MSRA: variants seen among roughly 807,000 people sequenced by gnomAD.
The protein encoded by MSRA is methionine sulfoxide reductase A.
Under a neutral mutation model 31.3 loss-of-function variants are expected in MSRA, and 54 were observed. The observed-to-expected ratio is 1.73, with a 90% confidence interval of 1.39 to 2.17. The LOEUF is 2.17. MSRA is among the 30% of genes most tolerant of loss of function. MSRA has a pLI of 0.00. For missense variants in MSRA, 507 were observed against 300.9 expected, an observed-to-expected ratio of 1.69 and a Z score of -5.07; for synonymous variants, 169 against 116.5, an observed-to-expected ratio of 1.45 and a Z score of -2.90.
chr8:10,196,067 G>A (rs1270057244), intron 1 of MSRA, among the ~76,000 whole-genome samples: 1 of 152,188 alleles, frequency 6.6e-6, no homozygotes, highest in African/African-American at 2.4e-5. Context: ...CGGGGTGGGG[G>A]AGCCACTGGA....
At chr8:10,181,098 T>C (rs752064574) in intron 1 of MSRA, among the ~76,000 whole-genome samples, 21 of 152,196 alleles carry the variant, frequency 1.4e-4, no homozygotes, top group Non-Finnish European at 2.5e-4. Context: ...AAAATTCGTC[T>C]ACAGCTCCCA....
intron 5 of MSRA, 89 bp from the exon 6 acceptor site, chr8:10,428,059 T>G: frequency 7.0e-7 from 1 of 1,431,276 alleles, no homozygotes; most frequent in Non-Finnish European, 9.4e-7. Context: ...ACGCGTCTGC[T>G]CACTGCAGCC....
At chr8:10,428,115 G>A in intron 5 of MSRA, 33 bp from the exon 6 acceptor site, 1 of 1,599,380 alleles carries the variant, frequency 6.3e-7, no homozygotes. Context: ...TCTCTAGCAT[G>A]GGAGCTGATG....
intron 1 of MSRA, among the ~76,000 whole-genome samples, chr8:10,056,263 G>C (rs894452053): frequency 4.7e-5 from 7 of 149,566 alleles, no homozygotes; most frequent in African/African-American, 1.7e-4. Flanking sequence ...TTCCAAACTG[G>C]TTCAAGGTCA....
chr8:10,305,225 G>A (rs183746795), intron 4 of MSRA, among the ~76,000 whole-genome samples: 115 of 152,206 alleles, frequency 7.6e-4, no homozygotes, highest in African/African-American at 2.7e-3. Flanking sequence ...GATGTCAATG[G>A]TCTTACTGTA....
At chr8:10,280,783 G>A (rs750827418) in intron 3 of MSRA, among the ~76,000 whole-genome samples, 15 of 152,192 alleles carry the variant, frequency 9.9e-5, no homozygotes, top group African/African-American at 2.2e-4. Context: ...ACCCAAACGC[G>A]CATCAGCGTG....
intron 2 of MSRA, among the ~76,000 whole-genome samples, chr8:10,219,678 C>T (rs1322617383): frequency 6.6e-6 from 1 of 151,442 alleles, no homozygotes; most frequent in African/African-American, 2.4e-5. Context: ...TGGCGGCGGA[C>T]GCCTGTAGTC....
At chr8:10,409,355 G>A (rs945699187) in intron 5 of MSRA, among the ~76,000 whole-genome samples, 3 of 152,178 alleles carry the variant, frequency 2.0e-5, no homozygotes, top group Admixed American at 6.5e-5. Context: ...CTTGTGGGCC[G>A]TTTGTTTTTA....
At chr8:10,093,999 C>T (rs1054591518) in intron 1 of MSRA, among the ~76,000 whole-genome samples, 13 of 152,210 alleles carry the variant, frequency 8.5e-5, no homozygotes, top group Middle Eastern at 3.2e-3. Context: ...GGATTCCTTG[C>T]ACGTGATGAG....
chr8:10,067,195 C>G (rs1025815959), intron 1 of MSRA, among the ~76,000 whole-genome samples: 1 of 152,108 alleles, frequency 6.6e-6, no homozygotes, highest in Non-Finnish European at 1.5e-5. Context: ...CCCAAGAACC[C>G]CTTGCAACCA....
intron 1 of MSRA, among the ~76,000 whole-genome samples, chr8:10,188,835 A>G (rs541157857): frequency 1.3e-5 from 2 of 152,280 alleles, no homozygotes; most frequent in South Asian, 2.1e-4. Context: ...ATAGTTCCAA[A>G]TTGTTTTTGC....
At position 10,428,547 on chromosome 8, in the gene MSRA, C is replaced by A; in HGVS notation, c.*235C>A. 1 of 475,474 alleles carries A rather than the reference C, an allele frequency of 2.1e-6. No homozygotes were observed. The highest frequency in any genetic ancestry group is 4.4e-5 in the East Asian group (1 of 22,644). The allele number at this position is 475,474 out of a possible 1,614,324, so 29.5% of individuals were successfully genotyped here. A position where few individuals can be genotyped will look rare whatever the true frequency, so the allele number is the denominator to read the frequency against. ...GGAGCTGTGCAGTTTCCTGTGTCTT[C>A]TGGGGTCTGAGTGAAGATAGCAGGG... On this transcript the variant is annotated 3_prime_UTR_variant, in exon 6 of 6. Coordinates refer to ENST00000317173, the MANE Select transcript of MSRA (RefSeq NM_012331.5).
chr8:10,243,281 T>C (rs1013570563), intron 2 of MSRA, among the ~76,000 whole-genome samples: 7 of 152,168 alleles, frequency 4.6e-5, no homozygotes, highest in African/African-American at 1.7e-4. Context: ...GCCTTCTGCC[T>C]GGTGCTCTGC....
At chr8:10,102,605 A>G (rs917632900) in intron 1 of MSRA, among the ~76,000 whole-genome samples, 1 of 152,136 alleles carries the variant, frequency 6.6e-6, no homozygotes, top group African/African-American at 2.4e-5. Flanking sequence ...GCATCTCTTG[A>G]CTGTGTTTTC....
intron 1 of MSRA, among the ~76,000 whole-genome samples, chr8:10,182,700 C>A (rs1452516825): frequency 6.6e-6 from 1 of 152,156 alleles, no homozygotes; most frequent in Non-Finnish European, 1.5e-5. Flanking sequence ...AGCCATTGGG[C>A]TCAGGGCCTC....
chr8:10,375,437 C>T (rs1024290194), intron 5 of MSRA, among the ~76,000 whole-genome samples: 2 of 152,236 alleles, frequency 1.3e-5, no homozygotes, highest in Admixed American at 6.5e-5. Context: ...AATATGCTTA[C>T]GCTTCTATCT....
At chr8:10,304,502 A>G (rs1801018989) in intron 4 of MSRA, among the ~76,000 whole-genome samples, 1 of 152,228 alleles carries the variant, frequency 6.6e-6, no homozygotes, top group Non-Finnish European at 1.5e-5. Flanking sequence ...CTCTGGTATC[A>G]ATGGAGTTGA....
intron 3 of MSRA, among the ~76,000 whole-genome samples, chr8:10,256,886 C>T (rs1362794627): frequency 6.6e-6 from 1 of 152,174 alleles, no homozygotes; most frequent in Non-Finnish European, 1.5e-5. Flanking sequence ...CCTCCTTCTC[C>T]TGCCCCAAAT....
At chr8:10,072,689 A>G (rs1280765909) in intron 1 of MSRA, among the ~76,000 whole-genome samples, 1 of 152,250 alleles carries the variant, frequency 6.6e-6, no homozygotes, top group Non-Finnish European at 1.5e-5. Flanking sequence ...TTTAGGGACA[A>G]TTGATGTCTT....
Sources: gnomAD v4.1 joint callset for allele counts (sites outside exome capture counted in the v4.1 genomes callset) on GRCh38, gnomAD v4.1.1 for gene constraint, MANE v1.5 for transcripts, NCBI Gene and HGNC (gene_info 2026-07-23, HGNC 2026-07-21) for gene names.